Variants in PPM1L observed in about 807,000 individuals in gnomAD.
PPM1L encodes protein phosphatase 1L.
In PPM1L, 13 loss-of-function variants were observed where a neutral mutation model predicts 31.4. The observed-to-expected ratio is 0.41, with a 90% CI of 0.27 to 0.66. The LOEUF (loss-of-function observed/expected upper bound fraction) is 0.66. Ranked by LOEUF, PPM1L falls within the 30% of genes least tolerant of loss-of-function variation. PPM1L has a pLI of 0.29. For missense variants in PPM1L, 326 were observed against 453.7 expected (o/e 0.72, Z 2.56); for synonymous variants, 184 against 175.4 (o/e 1.05, Z -0.39).
At chr3:160,922,728 A>G (rs762251116) in intron 1 of PPM1L, among the ~76,000 whole-genome samples, 26 of 152,230 alleles carry the variant, frequency 1.7e-4, no homozygotes, top group Admixed American at 3.3e-4. Flanking sequence ...GAAAAGTAAA[A>G]GGATTTATAC....
At chr3:161,050,509 T>A (rs143793385) in intron 2 of PPM1L, among the ~76,000 whole-genome samples, 156 of 152,346 alleles carry the variant, frequency 1.0e-3, no homozygotes, top group African/African-American at 3.6e-3. Flanking sequence ...TCTTCTAATA[T>A]CTTTGGCATA....
At chr3:160,805,387 ACACTGCTGTCTG>A in intron 1 of PPM1L, among the ~76,000 whole-genome samples, 1 of 152,286 alleles carries the variant, frequency 6.6e-6, no homozygotes, top group East Asian at 1.9e-4. Flanking sequence ...TATGCTTATT[ACACTGCTGTCTG>A]CCACACTGCT....
chr3:160,862,234 A>G (rs1452492361), intron 1 of PPM1L, among the ~76,000 whole-genome samples: 2 of 152,288 alleles, frequency 1.3e-5, no homozygotes, highest in South Asian at 4.1e-4. Flanking sequence ...GTTCTATCCC[A>G]AAACATGTAA....
chr3:160,935,509 T>C (rs1714940868), intron 1 of PPM1L, among the ~76,000 whole-genome samples: 1 of 152,232 alleles, frequency 6.6e-6, no homozygotes. Flanking sequence ...CCAGAAATAC[T>C]GCAGTGCAGC....
intron 1 of PPM1L, among the ~76,000 whole-genome samples, chr3:160,814,496 C>T (rs961032617): frequency 1.4e-5 from 2 of 141,322 alleles, no homozygotes; most frequent in Non-Finnish European, 3.0e-5. Flanking sequence ...CACACACACA[C>T]ATATATGTAT....
At chr3:160,820,519 C>T (rs1713162923) in intron 1 of PPM1L, among the ~76,000 whole-genome samples, 1 of 152,014 alleles carries the variant, frequency 6.6e-6, no homozygotes, top group Non-Finnish European at 1.5e-5. Flanking sequence ...CCAGTAGTAA[C>T]TCTGCTGTTT....
At chr3:161,023,273 T>G (rs1053366379) in intron 2 of PPM1L, among the ~76,000 whole-genome samples, 1 of 152,162 alleles carries the variant, frequency 6.6e-6, no homozygotes, top group Non-Finnish European at 1.5e-5. Context: ...TTAATGTATT[T>G]CATCCCATTT....
intron 1 of PPM1L, among the ~76,000 whole-genome samples, chr3:160,888,559 T>G (rs1036067106): frequency 3.3e-5 from 5 of 152,168 alleles, no homozygotes; most frequent in Non-Finnish European, 5.9e-5. Flanking sequence ...CAAAGAGACT[T>G]AGACTCCCAC....
chr3:160,867,312 A>G (rs1712126676), intron 1 of PPM1L, among the ~76,000 whole-genome samples: 1 of 150,092 alleles, frequency 6.7e-6, no homozygotes, highest in African/African-American at 2.4e-5. Flanking sequence ...TTTGGCCTGA[A>G]ATGAGTTCCA....
At chr3:161,056,155 C>A (rs1719402021) in intron 2 of PPM1L, among the ~76,000 whole-genome samples, 1 of 152,122 alleles carries the variant, frequency 6.6e-6, no homozygotes, top group African/African-American at 2.4e-5. Flanking sequence ...AGAATGTTTG[C>A]TCTGAGGAGA....
chr3:160,838,976 C>T (rs1713792010), intron 1 of PPM1L, among the ~76,000 whole-genome samples: 1 of 152,226 alleles, frequency 6.6e-6, no homozygotes, highest in African/African-American at 2.4e-5. Flanking sequence ...ATAAGGTCAT[C>T]AGGGTAGGCC....
chr3:161,014,177 T>C (rs1717994749), intron 2 of PPM1L, among the ~76,000 whole-genome samples: 1 of 152,192 alleles, frequency 6.6e-6, no homozygotes, highest in South Asian at 2.1e-4. Context: ...TTCCTTTCCA[T>C]GTGTAGTGCT....
chr3:160,991,691 G>C (rs1717139934), intron 2 of PPM1L, among the ~76,000 whole-genome samples: 1 of 151,996 alleles, frequency 6.6e-6, no homozygotes, highest in African/African-American at 2.4e-5. Flanking sequence ...TATTCCTAAC[G>C]ACTGTGGCCT....
At chr3:160,937,051 G>A (rs1272925435) in intron 1 of PPM1L, among the ~76,000 whole-genome samples, 1 of 151,058 alleles carries the variant, frequency 6.6e-6, no homozygotes, top group Non-Finnish European at 1.5e-5. Flanking sequence ...GTCAGCACTT[G>A]TGAACATTTT....
intron 1 of PPM1L, among the ~76,000 whole-genome samples, chr3:160,846,253 G>T (rs550032647): frequency 6.6e-6 from 1 of 151,882 alleles, no homozygotes; most frequent in African/African-American, 2.4e-5. Context: ...GCTTTTATTA[G>T]GTTTGCAAAC....
rs149786282 is a variant in PPM1L, at chr3:161,065,973, T to G, written c.736+409T>G. 5.5e-4 allele frequency among the ~76,000 whole-genome samples: 84 copies of G among 152,378 alleles called. No individual in the cohort carries two copies. The East Asian group carries it at 0.013, about 24-fold the overall frequency. ...ATTACTTGTCCCATAAAACTCAGTT[T>G]AAGGTGTTCTTTTGGAAGCTTTCCA... On this transcript the variant is annotated intron_variant, in intron 3 of 3. Coordinates refer to ENST00000498165, the MANE Select transcript of PPM1L (RefSeq NM_139245.4).
chr3:160,931,228 T>C lies in PPM1L; in HGVS notation c.400-30508T>C. Reference sequence around the variant, plus strand: ...ACATACCATGTCCACATACTCAGTGTAGGTTTTTGTGGTTATGGTATTTTG... The same window carrying C: ...ACATACCATGTCCACATACTCAGTGCAGGTTTTTGTGGTTATGGTATTTTG... On this transcript the variant is annotated intron_variant, in intron 1 of 3. Transcript: ENST00000498165. Among the ~76,000 whole-genome samples the C allele has an allele frequency of 1.3e-5, 2 of 152,194 alleles. 1 individual carries two copies. Among genetic ancestry groups the C allele is most frequent in the South Asian group, 4.1e-4 (2 of 4,824 alleles).
intron 1 of PPM1L, among the ~76,000 whole-genome samples, chr3:160,774,962 A>G (rs895766824): frequency 6.6e-6 from 1 of 152,230 alleles, no homozygotes; most frequent in African/African-American, 2.4e-5. Flanking sequence ...AATGATGTCT[A>G]ACAAATGAAA....
rs145398653 is a variant in PPM1L at position 161,054,146 on chromosome 3, T to G, written c.575-11257T>G. Among the ~76,000 whole-genome samples the G allele has an allele frequency of 2.6e-3, 398 of 152,102 alleles. 2 individuals are homozygous for G. Among genetic ancestry groups the G allele is most frequent in the African/African-American group, 8.6e-3 (357 of 41,490 alleles). ...TATATGGGCGTGTCCCATCACTGCT[T>G]CTTCTGCTTGGAAGCCCACAAAGAT... is the stretch of plus-strand genomic sequence containing the variant. On this transcript the variant is annotated intron_variant, in intron 2 of 3. Coordinates refer to ENST00000498165, the MANE Select transcript of PPM1L (RefSeq NM_139245.4).
Sources: allele counts gnomAD v4.1 joint callset (sites outside exome capture counted in the v4.1 genomes callset), GRCh38; gene constraint gnomAD v4.1.1; transcripts MANE v1.5; gene names NCBI Gene and HGNC (gene_info 2026-07-23, HGNC 2026-07-21).